Variants in STIM2 observed in about 807,000 individuals in gnomAD.
The protein encoded by STIM2 is stromal interaction molecule 2.
Under a neutral mutation model 85.8 loss-of-function variants are expected in STIM2, and 31 were observed. The observed-to-expected ratio is 0.36, with a 90% confidence interval of 0.27 to 0.49. The LOEUF (loss-of-function observed/expected upper bound fraction) is 0.49, where lower values mean the gene tolerates loss of function less well. Among genes scored for constraint, STIM2 ranks in the 20% least tolerant of loss-of-function variants. STIM2 has a pLI of 0.98. For missense variants in STIM2, 841 were observed against 927.6 expected (o/e 0.91, Z 1.21); for synonymous variants, 356 against 331.1 (o/e 1.08, Z -0.82).
At chr4:26,919,188 C>A (rs1724704159) in intron 1 of STIM2, among the ~76,000 whole-genome samples, 1 of 150,678 alleles carries the variant, frequency 6.6e-6, no homozygotes, top group African/African-American at 2.4e-5. Flanking sequence ...ATTAGTAAAT[C>A]ATGATTAGTA....
intron 10 of STIM2, 141 bp from the exon 11 acceptor site, chr4:27,017,570 A>G (rs966439385): frequency 1.6e-5 from 17 of 1,062,622 alleles, no homozygotes; most frequent in Non-Finnish European, 1.4e-6. Context: ...GAGAATGGTA[A>G]TAACTGTACA....
chr4:27,001,345 T>C (rs1191966131), intron 5 of STIM2, among the ~76,000 whole-genome samples: 2 of 152,204 alleles, frequency 1.3e-5, no homozygotes, highest in Non-Finnish European at 2.9e-5. Flanking sequence ...TTCTGTGTTT[T>C]GTATCACTGA....
intron 3 of STIM2, among the ~76,000 whole-genome samples, chr4:26,984,962 G>A (rs1485939684): frequency 3.3e-5 from 5 of 152,238 alleles, no homozygotes; most frequent in Admixed American, 1.3e-4. Context: ...TTTCTCTTTG[G>A]TACAATTACT....
intron 3 of STIM2, among the ~76,000 whole-genome samples, chr4:26,967,305 CAT>C (rs1224657706): frequency 6.6e-6 from 1 of 152,154 alleles, no homozygotes; most frequent in Non-Finnish European, 1.5e-5. Flanking sequence ...TAATTGAAGT[CAT>C]ATAAATTCAG....
chr4:26,878,500 C>T (rs1317057714), intron 1 of STIM2, among the ~76,000 whole-genome samples: 1 of 152,044 alleles, frequency 6.6e-6, no homozygotes, highest in African/African-American at 2.4e-5. Context: ...TTTGCCTGGG[C>T]CTTGTGGGTG....
At chr4:26,974,818 A>G (rs1001353428) in intron 3 of STIM2, among the ~76,000 whole-genome samples, 4 of 152,174 alleles carry the variant, frequency 2.6e-5, no homozygotes, top group Non-Finnish European at 5.9e-5. Context: ...CCTGGATAAT[A>G]TACTGAAGAG....
At chr4:26,949,815 T>G (rs1362003677) in intron 2 of STIM2, among the ~76,000 whole-genome samples, 2 of 152,192 alleles carry the variant, frequency 1.3e-5, no homozygotes, top group Admixed American at 6.5e-5. Context: ...CCATTCATTA[T>G]CAGTGTTACT....
At chr4:27,012,901 C>A (rs190365510) in intron 10 of STIM2, among the ~76,000 whole-genome samples, 1 of 151,788 alleles carries the variant, frequency 6.6e-6, no homozygotes, top group African/African-American at 2.4e-5. Context: ...TATTTTTCTG[C>A]GTAATTTGAA....
intron 3 of STIM2, among the ~76,000 whole-genome samples, chr4:26,994,430 C>T (rs551073103): frequency 1.7e-4 from 26 of 152,038 alleles, no homozygotes; most frequent in Middle Eastern, 3.4e-3. Context: ...AATCTGACTC[C>T]TTGTTGTCAT....
intron 2 of STIM2, among the ~76,000 whole-genome samples, chr4:26,929,735 T>C (rs1434678544): frequency 6.6e-6 from 1 of 152,148 alleles, no homozygotes; most frequent in African/African-American, 2.4e-5. Context: ...GCCTATTTTA[T>C]ACCAGATACT....
intron 2 of STIM2, among the ~76,000 whole-genome samples, chr4:26,927,660 C>T (rs1228030084): frequency 1.7e-5 from 1 of 57,556 alleles, no homozygotes; most frequent in African/African-American, 6.8e-5. Context: ...TGCACATGTA[C>T]CCTAAAACTT....
chr4:26,990,133 CCATGAATAT>C (rs1472600483), intron 3 of STIM2, among the ~76,000 whole-genome samples: 1 of 133,088 alleles, frequency 7.5e-6, no homozygotes, highest in African/African-American at 3.1e-5. Context: ...CCACAAAAGA[CCATGAATAT>C]CTATAGCAAT....
chr4:27,024,700 AT>A lies in STIM2; in HGVS notation c.*1705del, dbSNP rs1235212509. 1 of 152,250 alleles carries A rather than the reference AT, an allele frequency of 6.6e-6. No individual in the cohort carries two copies. The highest frequency in any genetic ancestry group is 1.5e-5 in the Non-Finnish European group (1 of 68,056). The allele number at this position is 152,250 out of a possible 1,614,324, so 9.4% of individuals were successfully genotyped here. A position where few individuals can be genotyped will look rare whatever the true frequency, so the allele number is the denominator to read the frequency against. On this transcript the variant is annotated 3_prime_UTR_variant, in exon 12 of 12. Transcript: ENST00000467087. ...GAAATGAACATAGCGTTTTGCACTA[AT>A]GATAAGATAACCTGAGAGGTAGGGT...
chr4:26,860,878 G>T lies in STIM2; in HGVS notation c.-341G>T. On this transcript the variant is annotated 5_prime_UTR_variant, in exon 1 of 12. Transcript: ENST00000467087. Reference sequence around the variant, plus strand: ...CCCGGTCTCGCCGCAGCAGCAGCGCGGGTGTCGTGCACCGCCTGAAGACGC... The same window carrying T: ...CCCGGTCTCGCCGCAGCAGCAGCGCTGGTGTCGTGCACCGCCTGAAGACGC... 1.1e-6 allele frequency: 1 copy of T among 929,342 alleles called. No individual in the cohort carries two copies. The allele number at this position is 929,342 out of a possible 1,614,324, so 57.6% of individuals were successfully genotyped here. A position where few individuals can be genotyped will look rare whatever the true frequency, so the allele number is the denominator to read the frequency against.
chr4:26,972,837 C>G (rs1462245947), intron 3 of STIM2, among the ~76,000 whole-genome samples: 2 of 152,170 alleles, frequency 1.3e-5, no homozygotes, highest in African/African-American at 4.8e-5. Flanking sequence ...CTTTGTACCT[C>G]TGGTAGAATT....
chr4:26,914,277 T>C (rs1724451725), intron 1 of STIM2, among the ~76,000 whole-genome samples: 2 of 152,228 alleles, frequency 1.3e-5, no homozygotes, highest in Admixed American at 6.5e-5. Flanking sequence ...TATATAAGTA[T>C]ATTTTATGCA....
intron 1 of STIM2, among the ~76,000 whole-genome samples, chr4:26,867,932 A>G (rs1327653290): frequency 6.6e-6 from 1 of 152,158 alleles, no homozygotes; most frequent in Non-Finnish European, 1.5e-5. Flanking sequence ...TTACTAGGAA[A>G]GTTCTAAATT....
intron 1 of STIM2, 115 bp downstream of exon 1, chr4:26,861,484 GCGATGCGGAGCCCTGCCTGCTGCTT>G: frequency 8.2e-7 from 1 of 1,224,984 alleles, no homozygotes; most frequent in Non-Finnish European, 1.0e-6. Flanking sequence ...CGGCCAGGGC[GCGATGCGGAGCCCTGCCTGCTGCTT>G]CGTCGCGGTC....
At position 27,008,866 on chromosome 4, in the gene STIM2, C is replaced by G; in HGVS notation, c.1353C>G (p.Leu451=). Reference sequence around the variant, plus strand: ...TTCAGATAGCCCATAACTCAGGACTCCCCAGCCTGACCTCTTCCCTTTATT... The same window carrying G: ...TTCAGATAGCCCATAACTCAGGACTGCCCAGCCTGACCTCTTCCCTTTATT... Residue 451 remains leucine (L), a synonymous_variant, in exon 10 of 12, where the codon CTC becomes CTG. Coordinates refer to ENST00000467087, the MANE Select transcript of STIM2 (RefSeq NM_020860.4). 5.0e-6 allele frequency: 8 copies of G among 1,614,098 alleles called. No homozygotes were observed. Among genetic ancestry groups the G allele is most frequent in the Non-Finnish European group, 6.8e-6 (8 of 1,179,994 alleles).
Sources: gnomAD v4.1 joint callset for allele counts (sites outside exome capture counted in the v4.1 genomes callset) on GRCh38, gnomAD v4.1.1 for gene constraint, MANE v1.5 for transcripts, NCBI Gene and HGNC (gene_info 2026-07-23, HGNC 2026-07-21) for gene names.